Variants in ZBTB20 observed in about 807,000 individuals in gnomAD.
The protein encoded by ZBTB20 is zinc finger and BTB domain-containing protein 20.
ZBTB20 carries 9 observed loss-of-function variants against 56.9 expected under a neutral mutation model. That is an observed-to-expected ratio of 0.16 (90% CI 0.10 to 0.28). The LOEUF (loss-of-function observed/expected upper bound fraction) is 0.28. Among genes scored for constraint, ZBTB20 ranks in the 10% least tolerant of loss-of-function variants. ZBTB20 has a pLI of 1.00. For missense variants in ZBTB20, 655 were observed against 1,003.0 expected, an observed-to-expected ratio of 0.65 and a Z score of 4.69; for synonymous variants, 417 against 420.7, an observed-to-expected ratio of 0.99 and a Z score of 0.11.
At chr3:115,021,791 A>T (rs1490961794) in intron 2 of ZBTB20, among the ~76,000 whole-genome samples, 1 of 150,856 alleles carries the variant, frequency 6.6e-6, no homozygotes, top group Non-Finnish European at 1.5e-5. Flanking sequence ...ATGTTTGTAT[A>T]TTTGTCAAAC....
At chr3:114,842,869 C>T (rs2074445077) in intron 4 of ZBTB20, among the ~76,000 whole-genome samples, 1 of 152,194 alleles carries the variant, frequency 6.6e-6, no homozygotes, top group Non-Finnish European at 1.5e-5. Flanking sequence ...TGCACTAGTA[C>T]TGATATGGTT....
intron 5 of ZBTB20, among the ~76,000 whole-genome samples, chr3:114,718,494 C>G (rs1466180171): frequency 6.6e-6 from 1 of 152,056 alleles, no homozygotes; most frequent in Non-Finnish European, 1.5e-5. Context: ...TACCTGAACA[C>G]AGGGATTGCT....
intron 7 of ZBTB20, among the ~76,000 whole-genome samples, chr3:114,452,745 T>C (rs1351671830): frequency 2.9e-5 from 2 of 70,024 alleles, no homozygotes; most frequent in African/African-American, 6.9e-5. Flanking sequence ...TATTTTCAGT[T>C]AATAGAAAAA....
intron 5 of ZBTB20, among the ~76,000 whole-genome samples, chr3:114,747,459 G>T (rs1344276699): frequency 6.6e-6 from 1 of 152,124 alleles, no homozygotes; most frequent in Non-Finnish European, 1.5e-5. Context: ...CCCAGTTCGG[G>T]AGGCTGAGGC....
intron 5 of ZBTB20, among the ~76,000 whole-genome samples, chr3:114,775,914 A>G (rs776919007): frequency 7.2e-5 from 11 of 152,180 alleles, no homozygotes. Flanking sequence ...GAACCAGGCC[A>G]AAGAAATTAT....
intron 1 of ZBTB20, among the ~76,000 whole-genome samples, chr3:115,126,464 T>C (rs1003972734): frequency 2.0e-5 from 3 of 152,036 alleles, no homozygotes; most frequent in Non-Finnish European, 4.4e-5. Context: ...CAAATGTCCA[T>C]TGGTAGAAGA....
At chr3:115,082,168 G>A (rs1157609769) in intron 1 of ZBTB20, among the ~76,000 whole-genome samples, 1 of 152,146 alleles carries the variant, frequency 6.6e-6, no homozygotes, top group Non-Finnish European at 1.5e-5. Context: ...TGGCTAAACA[G>A]ACCTCTAATT....
intron 10 of ZBTB20, among the ~76,000 whole-genome samples, chr3:114,354,832 G>A (rs1446471526): frequency 1.3e-5 from 2 of 151,964 alleles, no homozygotes; most frequent in African/African-American, 2.4e-5. Context: ...TGCCCGCCTC[G>A]GCCTCCCAAA....
chr3:114,826,622 CT>C (rs780629129), intron 4 of ZBTB20, among the ~76,000 whole-genome samples: 3 of 151,648 alleles, frequency 2.0e-5, no homozygotes, highest in Non-Finnish European at 4.4e-5. Flanking sequence ...GGTCCCTCCA[CT>C]TTTTTTCAGT....
chr3:114,885,490 C>A (rs1051662793), intron 4 of ZBTB20, among the ~76,000 whole-genome samples: 11 of 152,092 alleles, frequency 7.2e-5, no homozygotes, highest in African/African-American at 2.2e-4. Flanking sequence ...CTGAGATCAA[C>A]TGAATTGTAA....
intron 2 of ZBTB20, among the ~76,000 whole-genome samples, chr3:114,978,113 T>C (rs546647333): frequency 2.0e-5 from 3 of 151,310 alleles, no homozygotes; most frequent in Non-Finnish European, 4.4e-5. Flanking sequence ...ATAATGTTCA[T>C]TGGGTTAAGA....
chr3:114,930,960 G>T (rs2076336840), intron 3 of ZBTB20: 1 of 181,274 alleles, frequency 5.5e-6, no homozygotes, highest in African/African-American at 2.4e-5. Flanking sequence ...TGGTCCTCAG[G>T]CAATTACCAG....
chr3:114,469,274 A>G (rs982363915), intron 7 of ZBTB20, among the ~76,000 whole-genome samples: 3 of 152,170 alleles, frequency 2.0e-5, no homozygotes, highest in Admixed American at 1.3e-4. Context: ...AGTCACAAGG[A>G]ATGTAATGTG....
intron 6 of ZBTB20, among the ~76,000 whole-genome samples, chr3:114,642,234 T>C (rs951103018): frequency 2.0e-5 from 3 of 152,066 alleles, no homozygotes; most frequent in African/African-American, 4.8e-5. Context: ...GCATTAGAAA[T>C]CTTCTCCAAT....
intron 6 of ZBTB20, among the ~76,000 whole-genome samples, chr3:114,540,990 G>T (rs975750413): frequency 1.3e-5 from 2 of 151,948 alleles, no homozygotes; most frequent in African/African-American, 4.8e-5. Context: ...TTTTTCCTGA[G>T]ATTCTTGTTA....
intron 5 of ZBTB20, among the ~76,000 whole-genome samples, chr3:114,722,667 T>G (rs925033486): frequency 1.3e-5 from 2 of 152,232 alleles, no homozygotes; most frequent in African/African-American, 4.8e-5. Context: ...ACACCTAGTC[T>G]GCTTCCATCA....
rs1057397108 is a variant in ZBTB20, at chr3:115,132,307, C to A, written c.-703+14912G>T. ...TATGGAAAATGGAATAATATTTTCC[C>A]ATTGGGAAAAAAAGTCTCATAGATG... On this transcript the variant is annotated intron_variant, in intron 1 of 11. Transcript: ENST00000675478. Among the ~76,000 whole-genome samples the A allele has an allele frequency of 8.6e-5, 13 of 151,880 alleles. 1 individual carries two copies. Among genetic ancestry groups the A allele is most frequent in the Admixed American group, 7.2e-4 (11 of 15,232 alleles).
intron 5 of ZBTB20, among the ~76,000 whole-genome samples, chr3:114,778,286 A>T (rs1448452022): frequency 9.4e-4 from 6 of 6,402 alleles, no homozygotes; most frequent in Non-Finnish European, 3.6e-3. Flanking sequence ...AATAATACAC[A>T]TTCAAAAAAA....
intron 6 of ZBTB20, among the ~76,000 whole-genome samples, chr3:114,641,957 T>C (rs539653940): frequency 1.8e-4 from 27 of 152,186 alleles, no homozygotes; most frequent in Admixed American, 1.0e-3. Flanking sequence ...ATTAACCAGG[T>C]AGAAAGGGCT....
Sources: gnomAD v4.1 joint callset for allele counts (sites outside exome capture counted in the v4.1 genomes callset) on GRCh38, gnomAD v4.1.1 for gene constraint, MANE v1.5 for transcripts, NCBI Gene and HGNC (gene_info 2026-07-23, HGNC 2026-07-21) for gene names.